NAALADL2: variants seen among roughly 807,000 people sequenced by gnomAD.
NAALADL2 encodes inactive N-acetylated-alpha-linked acidic dipeptidase-like protein 2.
A neutral mutation model predicts 87.2 loss-of-function variants in NAALADL2; 76 were observed. The observed-to-expected ratio is 0.87, with a 90% confidence interval of 0.72 to 1.05. The LOEUF (loss-of-function observed/expected upper bound fraction) is 1.05. Ranked by LOEUF, NAALADL2 falls within the 50% of genes least tolerant of loss-of-function variation. The pLI is 0.00. For missense variants in NAALADL2, 1,089 were observed against 945.8 expected (o/e 1.15, Z -1.99); for synonymous variants, 354 against 331.0 (o/e 1.07, Z -0.75).
chr3:175,286,976 T>A (rs11921052), intron 4 of NAALADL2, among the ~76,000 whole-genome samples: 1 of 107,408 alleles, frequency 9.3e-6, no homozygotes, highest in Non-Finnish European at 1.8e-5. Flanking sequence ...GAGGGTATGG[T>A]GGGGGTGGAG....
intron 2 of NAALADL2, among the ~76,000 whole-genome samples, chr3:174,631,240 T>C (rs903005063): frequency 5.3e-5 from 8 of 152,202 alleles, no homozygotes; most frequent in African/African-American, 1.7e-4. Context: ...AAAAAGTTGC[T>C]TAAGTATATT....
chr3:174,775,877 G>A (rs1023885795), intron 3 of NAALADL2, among the ~76,000 whole-genome samples: 1 of 152,134 alleles, frequency 6.6e-6, no homozygotes, highest in African/African-American at 2.4e-5. Context: ...AAGTCTTTCC[G>A]TAAAGGGCAA....
chr3:174,959,243 T>A (rs1365469426), intron 1 of NAALADL2, among the ~76,000 whole-genome samples: 1 of 152,112 alleles, frequency 6.6e-6, no homozygotes, highest in African/African-American at 2.4e-5. Flanking sequence ...GCTGACATGA[T>A]GTTACTGGTA....
intron 2 of NAALADL2, among the ~76,000 whole-genome samples, chr3:175,210,663 G>A (rs1336105964): frequency 6.6e-6 from 1 of 151,372 alleles, no homozygotes; most frequent in Non-Finnish European, 1.5e-5. Context: ...TAAGAAAAAA[G>A]GGAAAAGGTT....
Position 175,093,414 on chromosome 3 carries a change from T to TATATATA in NAALADL2, c.44-3376_44-3375insATATATA, listed in dbSNP as rs1553771396. ...TTTTTTTGTTGAGTTCATTTTATTT[T>TATATATA]TTTATATATATATATATATGTTTTA... On this transcript the variant is annotated intron_variant, in intron 1 of 13. Transcript: ENST00000454872. Among the ~76,000 whole-genome samples, 729 of 117,706 alleles carry TATATATA rather than the reference T, an allele frequency of 6.2e-3. 6 individuals carry two copies. The highest frequency in any genetic ancestry group is 0.015 in the African/African-American group (373 of 24,330). The allele number at this position is 117,706 out of a possible 152,430, so 77.2% of individuals were successfully genotyped here.
chr3:174,780,276 C>G (rs1283245553), intron 3 of NAALADL2, among the ~76,000 whole-genome samples: 1 of 152,096 alleles, frequency 6.6e-6, no homozygotes, highest in African/African-American at 2.4e-5. Flanking sequence ...CTATTTGGCT[C>G]TCTGTTTGTC....
chr3:174,928,264 C>T (rs1021719001), intron 1 of NAALADL2, among the ~76,000 whole-genome samples: 1 of 152,146 alleles, frequency 6.6e-6, no homozygotes, highest in East Asian at 1.9e-4. Flanking sequence ...TTTATGGAGA[C>T]AGAATTTTGC....
At chr3:175,080,329 C>G (rs76825708) in intron 1 of NAALADL2, among the ~76,000 whole-genome samples, 7,664 of 152,250 alleles carry the variant, frequency 0.05, 643 homozygotes, top group African/African-American at 0.17. Flanking sequence ...GTTAACATAA[C>G]TTATTTCTGC....
intron 1 of NAALADL2, among the ~76,000 whole-genome samples, chr3:174,531,514 C>T (rs1321333159): frequency 6.6e-6 from 1 of 152,134 alleles, no homozygotes. Context: ...TAGAATTTAT[C>T]AGGAGCAAAG....
At chr3:175,539,139 A>G (rs1432798964) in intron 9 of NAALADL2, among the ~76,000 whole-genome samples, 1 of 152,190 alleles carries the variant, frequency 6.6e-6, no homozygotes, top group Non-Finnish European at 1.5e-5. Flanking sequence ...CCTCGGGAAC[A>G]TGTTCTGTTC....
chr3:175,744,819 C>T (rs1745703335), intron 12 of NAALADL2, among the ~76,000 whole-genome samples: 1 of 152,122 alleles, frequency 6.6e-6, no homozygotes, highest in African/African-American at 2.4e-5. Flanking sequence ...TAGATAAGTT[C>T]ATTAGCTAAA....
At chr3:175,013,207 T>A (rs55777632) in intron 1 of NAALADL2, among the ~76,000 whole-genome samples, 2 of 70,776 alleles carry the variant, frequency 2.8e-5, no homozygotes, top group African/African-American at 4.2e-5. Flanking sequence ...CATAAATATA[T>A]AATATATATT....
chr3:175,293,414 C>T (rs1485036288), intron 4 of NAALADL2, among the ~76,000 whole-genome samples: 1 of 152,088 alleles, frequency 6.6e-6, no homozygotes, highest in Non-Finnish European at 1.5e-5. Context: ...ATTGTTAGCA[C>T]TATCGATATG....
intron 2 of NAALADL2, among the ~76,000 whole-genome samples, chr3:175,229,523 C>T (rs1184133971): frequency 6.6e-6 from 1 of 151,934 alleles, no homozygotes; most frequent in Non-Finnish European, 1.5e-5. Context: ...ACATTTATTT[C>T]TTATAATTCT....
chr3:174,679,409 G>A (rs1727327360), intron 2 of NAALADL2, among the ~76,000 whole-genome samples: 1 of 152,008 alleles, frequency 6.6e-6, no homozygotes, highest in Admixed American at 6.6e-5. Context: ...ATTCAATATA[G>A]ATTTTAATCT....
intron 1 of NAALADL2, among the ~76,000 whole-genome samples, chr3:174,883,656 C>T (rs867150721): frequency 2.2e-4 from 33 of 152,274 alleles, no homozygotes; most frequent in South Asian, 1.2e-3. Flanking sequence ...TTACAGCCCT[C>T]GTTTCTGCAG....
At chr3:175,576,887 A>C (rs1718985288) in intron 10 of NAALADL2, among the ~76,000 whole-genome samples, 2 of 152,214 alleles carry the variant, frequency 1.3e-5, no homozygotes, top group African/African-American at 4.8e-5. Context: ...TAATTATTAC[A>C]TTAACAAAAT....
intron 2 of NAALADL2, among the ~76,000 whole-genome samples, chr3:175,232,961 A>G (rs1388600173): frequency 2.0e-5 from 3 of 152,028 alleles, no homozygotes; most frequent in African/African-American, 7.2e-5. Flanking sequence ...ATTCTGTTCT[A>G]GGTACTATAC....
intron 1 of NAALADL2, among the ~76,000 whole-genome samples, chr3:175,067,920 G>GAAAT (rs1228806150): frequency 2.0e-5 from 3 of 151,986 alleles, no homozygotes; most frequent in Non-Finnish European, 4.4e-5. Context: ...AAAAAAGAAT[G>GAAAT]AAATGAAGTC....
Sources: allele counts gnomAD v4.1 joint callset (sites outside exome capture counted in the v4.1 genomes callset), GRCh38; gene constraint gnomAD v4.1.1; transcripts MANE v1.5; gene names NCBI Gene and HGNC (gene_info 2026-07-23, HGNC 2026-07-21).